SYT2: variants seen among roughly 807,000 people sequenced by gnomAD.
SYT2 encodes the protein synaptotagmin 2, also known as synaptotagmin-2.
A neutral mutation model predicts 39.9 loss-of-function variants in SYT2; 15 were observed. That is an observed-to-expected ratio of 0.38 (90% CI 0.25 to 0.58). SYT2 has a LOEUF of 0.58. Ranked by LOEUF, SYT2 falls within the 20% of genes least tolerant of loss-of-function variation. The pLI is 0.70. For synonymous variants in SYT2, 181 were observed against 204.5 expected, an observed-to-expected ratio of 0.89 and a Z score of 0.98; for missense variants, 389 against 530.3, an observed-to-expected ratio of 0.73 and a Z score of 2.62.
At chr1:202,654,783 C>G (rs993917698) in intron 1 of SYT2, among the ~76,000 whole-genome samples, 8 of 152,154 alleles carry the variant, frequency 5.3e-5, no homozygotes, top group African/African-American at 1.9e-4. Flanking sequence ...TGAACTGAGG[C>G]TTGAAGGCTG....
Position 202,659,824 on chromosome 1 carries a change from C to T in SYT2, c.-18+50434G>A, listed in dbSNP as rs1005452567. Reference sequence around the variant, plus strand: ...GGAGAGGTGCTGCCAGTCAGCCCATCTGTCGAGCAGGTGACAGCTGCTGAC... The same window carrying T: ...GGAGAGGTGCTGCCAGTCAGCCCATTTGTCGAGCAGGTGACAGCTGCTGAC... On this transcript the variant is annotated intron_variant, in intron 1 of 8. Coordinates refer to ENST00000367268, the MANE Select transcript of SYT2 (RefSeq NM_177402.5). Among the ~76,000 whole-genome samples, 6 of 152,266 alleles carry T rather than the reference C, an allele frequency of 3.9e-5. No homozygotes were observed. In the South Asian group the frequency reaches 1.2e-3, roughly 32 times the overall value.
At position 202,601,747 on chromosome 1, in the gene SYT2, T is replaced by A. The variant is rs1271888553; in HGVS notation, c.801+143A>T. ...GAGAGTGTAAGCAACTTGCCCAGGG[T>A]CACACAGCCAGGCAGTGTGGAGCTG... On this transcript the variant is annotated intron_variant, in intron 6 of 8. Coordinates refer to ENST00000367268, the MANE Select transcript of SYT2 (RefSeq NM_177402.5). The surrounding 1 kb of genome is among the most constrained non-coding windows in gnomAD (Gnocchi z 4.0). 6 of 857,302 alleles carry A rather than the reference T, an allele frequency of 7.0e-6. No individual in the cohort carries two copies. The highest frequency in any genetic ancestry group is 9.1e-6 in the Non-Finnish European group (5 of 548,104). The allele number at this position is 857,302 out of a possible 1,614,324, so 53.1% of individuals were successfully genotyped here. A position where few individuals can be genotyped will look rare whatever the true frequency, so the allele number is the denominator to read the frequency against.
chr1:202,651,787 G>A (rs542089330), intron 1 of SYT2, among the ~76,000 whole-genome samples: 9 of 152,196 alleles, frequency 5.9e-5, no homozygotes, highest in South Asian at 2.1e-4. Flanking sequence ...GAGGGCAGGC[G>A]TGGTGGCTCA....
intron 1 of SYT2, chr1:202,630,294 C>T (rs1334089287): frequency 1.2e-6 from 1 of 831,140 alleles, no homozygotes; most frequent in African/African-American, 1.9e-5. Context: ...GGCTCCCACA[C>T]ACTCTGGCTT....
At chr1:202,649,676 T>C (rs1692156687) in intron 1 of SYT2, among the ~76,000 whole-genome samples, 2 of 152,218 alleles carry the variant, frequency 1.3e-5, no homozygotes, top group South Asian at 4.1e-4. Context: ...AGGTGCCTCC[T>C]TCCTCAGTCA....
At chr1:202,612,962 T>A (rs1246458383) in intron 1 of SYT2, among the ~76,000 whole-genome samples, 2 of 152,188 alleles carry the variant, frequency 1.3e-5, no homozygotes. Context: ...TGGAATTGTT[T>A]TCTTAATTTC....
At chr1:202,643,639 C>A (rs1268793718) in intron 1 of SYT2, among the ~76,000 whole-genome samples, 19 of 152,236 alleles carry the variant, frequency 1.2e-4, no homozygotes. Flanking sequence ...TGCCTCCGCG[C>A]GCCCACGCCT....
chr1:202,651,086 G>A (rs930899040), intron 1 of SYT2, among the ~76,000 whole-genome samples: 1 of 152,172 alleles, frequency 6.6e-6, no homozygotes. Flanking sequence ...AACGGGCACA[G>A]CGGAAGGCTT....
intron 1 of SYT2, among the ~76,000 whole-genome samples, chr1:202,697,523 A>C (rs1654005130): frequency 6.6e-6 from 1 of 152,250 alleles, no homozygotes; most frequent in Non-Finnish European, 1.5e-5. Context: ...CTCACGCAAG[A>C]AGGAAATGCT....
intron 1 of SYT2, among the ~76,000 whole-genome samples, chr1:202,608,526 T>G (rs1279502210): frequency 2.0e-5 from 3 of 152,172 alleles, no homozygotes; most frequent in Non-Finnish European, 4.4e-5. Context: ...ATCCTCCCAC[T>G]TCAGCCTCCA....
chr1:202,695,477 G>C (rs1368856472), intron 1 of SYT2, among the ~76,000 whole-genome samples: 1 of 152,154 alleles, frequency 6.6e-6, no homozygotes, highest in Non-Finnish European at 1.5e-5. Flanking sequence ...GGCTCCCGCA[G>C]TGTCAGCAAC....
At chr1:202,658,566 T>C (rs1207155911) in intron 1 of SYT2, among the ~76,000 whole-genome samples, 1 of 152,074 alleles carries the variant, frequency 6.6e-6, no homozygotes, top group Non-Finnish European at 1.5e-5. Context: ...ACTGGGGGCC[T>C]AGGTGCAAGC....
At chr1:202,625,538 A>G (rs1396403883) in intron 1 of SYT2, among the ~76,000 whole-genome samples, 3 of 151,776 alleles carry the variant, frequency 2.0e-5, no homozygotes, top group East Asian at 3.9e-4. Flanking sequence ...GAGTAGCTGG[A>G]GAGACCGCGG....
intron 1 of SYT2, among the ~76,000 whole-genome samples, chr1:202,617,489 C>T (rs2149080716): frequency 6.6e-6 from 1 of 152,300 alleles, no homozygotes; most frequent in South Asian, 2.1e-4. Context: ...GAGCAGATGC[C>T]AGCATCATGC....
intron 1 of SYT2, among the ~76,000 whole-genome samples, chr1:202,642,036 T>C (rs1558444625): frequency 2.0e-5 from 3 of 152,190 alleles, no homozygotes. Flanking sequence ...TAGGTCATTC[T>C]ACCCCACCCC....
intron 1 of SYT2, among the ~76,000 whole-genome samples, chr1:202,622,587 A>G (rs1039563916): frequency 3.9e-5 from 6 of 152,114 alleles, no homozygotes; most frequent in African/African-American, 7.2e-5. Flanking sequence ...GGCGCCTCAG[A>G]ATCCAATGGC....
intron 1 of SYT2, among the ~76,000 whole-genome samples, chr1:202,665,950 G>A (rs1000483541): frequency 3.9e-5 from 6 of 152,044 alleles, no homozygotes; most frequent in East Asian, 1.9e-4. Context: ...TCAGGAGATC[G>A]AGACCATCCT....
chr1:202,644,989 C>G (rs1440409048), intron 1 of SYT2, among the ~76,000 whole-genome samples: 3 of 152,196 alleles, frequency 2.0e-5, no homozygotes, highest in African/African-American at 4.8e-5. Flanking sequence ...AAAGCTGATT[C>G]AGGGATTTCC....
Position 202,602,989 on chromosome 1 carries a change from C to T in SYT2, c.465+10G>A, listed in dbSNP as rs376007151. On this transcript the variant is annotated intron_variant, in intron 4 of 8. Coordinates refer to ENST00000367268, the MANE Select transcript of SYT2 (RefSeq NM_177402.5). Reference sequence around the variant, plus strand: ...ATTCCCCCACTCTGCCCCCCCACAGCCCTGCATACCTGATTAGCCTGAAAA... The same window carrying T: ...ATTCCCCCACTCTGCCCCCCCACAGTCCTGCATACCTGATTAGCCTGAAAA... The T allele has an allele frequency of 6.2e-7, 1 of 1,604,264 alleles. No individual in the cohort carries two copies.
Sources: gnomAD v4.1 joint callset for allele counts (sites outside exome capture counted in the v4.1 genomes callset) on GRCh38, gnomAD v4.1.1 for gene constraint, Gnocchi (gnomAD v3.1) non-coding constraint, MANE v1.5 for transcripts, NCBI Gene and HGNC (gene_info 2026-07-23, HGNC 2026-07-21) for gene names.